AUTS2: variants seen among roughly 807,000 people sequenced by gnomAD.
The protein encoded by AUTS2 is activator of transcription and developmental regulator AUTS2.
A neutral mutation model predicts 112.4 loss-of-function variants in AUTS2; 17 were observed. The ratio of observed to expected loss-of-function variants is 0.15; its 90% CI spans 0.10 to 0.23. The LOEUF (loss-of-function observed/expected upper bound fraction) is 0.23, where lower values mean the gene tolerates loss of function less well. Ranked by LOEUF, AUTS2 falls within the 10% of genes least tolerant of loss-of-function variation. The pLI, the probability that AUTS2 is intolerant of heterozygous loss-of-function variation, is 1.00. For synonymous variants in AUTS2, 751 were observed against 702.7 expected, an observed-to-expected ratio of 1.07 and a Z score of -1.09; for missense variants, 1,510 against 1,701.6, an observed-to-expected ratio of 0.89 and a Z score of 1.98.
chr7:70,652,437 T>C (rs770465552), intron 5 of AUTS2, among the ~76,000 whole-genome samples: 1 of 152,178 alleles, frequency 6.6e-6, no homozygotes, highest in Non-Finnish European at 1.5e-5. Context: ...ATTGACATTA[T>C]CTAGACACAA....
intron 1 of AUTS2, among the ~76,000 whole-genome samples, chr7:69,704,282 T>C (rs1050470406): frequency 7.0e-6 from 1 of 142,336 alleles, no homozygotes; most frequent in Admixed American, 7.0e-5. Context: ...TAAAATACAA[T>C]TTTTTTTTTT....
intron 4 of AUTS2, among the ~76,000 whole-genome samples, chr7:70,203,348 A>AG (rs1302865921): frequency 6.8e-6 from 1 of 146,520 alleles, no homozygotes; most frequent in Non-Finnish European, 1.5e-5. Flanking sequence ...GTATAATAAA[A>AG]AAAAAAAAAA....
intron 2 of AUTS2, among the ~76,000 whole-genome samples, chr7:70,055,803 G>A (rs1453553704): frequency 2.0e-5 from 3 of 152,088 alleles, no homozygotes; most frequent in Non-Finnish European, 1.5e-5. Context: ...GATTTATATG[G>A]TAACACAGTC....
At chr7:70,377,321 TATAA>T (rs1562922067) in intron 4 of AUTS2, among the ~76,000 whole-genome samples, 4 of 66,278 alleles carry the variant, frequency 6.0e-5, no homozygotes, top group South Asian at 5.7e-4. Flanking sequence ...AACAAACAAA[TATAA>T]ATATATATAT....
chr7:70,766,377 C>T lies in AUTS2; in HGVS notation c.1689+43C>T, dbSNP rs1420937096. 6.2e-7 allele frequency: 1 copy of T among 1,604,988 alleles called. No individual in the cohort carries two copies. The highest frequency in any genetic ancestry group is 1.3e-5 in the African/African-American group (1 of 74,928). ...AAATGTGAGGATAAGTAGAGCACGA[C>T]TCTTTTCTTTATGCAGCACGTGGGA... On this transcript the variant is annotated intron_variant, in intron 9 of 18. Coordinates refer to ENST00000342771, the MANE Select transcript of AUTS2 (RefSeq NM_015570.4). This position sits in a 1 kb window ranked among gnomAD's most constrained non-coding sequence, Gnocchi z 4.8.
At chr7:70,353,480 G>A (rs1791859429) in intron 4 of AUTS2, among the ~76,000 whole-genome samples, 1 of 152,038 alleles carries the variant, frequency 6.6e-6, no homozygotes, top group Non-Finnish European at 1.5e-5. Context: ...TCTCCTGCAG[G>A]AGGGTGGCTG....
In AUTS2 at chr7:69,931,112, T is replaced by TACACAC. The variant is rs58190258; in HGVS notation, c.522+31645_522+31650dup. On this transcript the variant is annotated intron_variant, in intron 2 of 18. Transcript: ENST00000342771. Reference sequence around the variant, plus strand: ...GAATGCTCGTACTGCATTTTGGATTTACACACACACACACACACACACACA... The same window carrying TACACAC: ...GAATGCTCGTACTGCATTTTGGATTTACACACACACACACACACACACACACACACA... 1.8e-3 allele frequency among the ~76,000 whole-genome samples: 274 copies of TACACAC among 148,990 alleles called. 2 individuals are homozygous for TACACAC. The highest frequency in any genetic ancestry group is 6.1e-3 in the African/African-American group (247 of 40,514).
intron 6 of AUTS2, among the ~76,000 whole-genome samples, chr7:70,760,688 G>T (rs1289029883): frequency 2.0e-5 from 3 of 152,226 alleles, no homozygotes; most frequent in African/African-American, 7.2e-5. Flanking sequence ...CTAGCTGGAT[G>T]GGGACCTATC....
At position 70,249,347 on chromosome 7, in the gene AUTS2, G is replaced by A. The variant is rs566129705; in HGVS notation, c.660+114776G>A. On this transcript the variant is annotated intron_variant, in intron 4 of 18. Coordinates refer to ENST00000342771, the MANE Select transcript of AUTS2 (RefSeq NM_015570.4). ...CATTTCAATATGTGTCATCAACCAC[G>A]CTGCAAGCCCTCAAAAGCCACATGT... is the stretch of plus-strand genomic sequence containing the variant. Among the ~76,000 whole-genome samples the A allele has an allele frequency of 5.9e-5, 9 of 152,090 alleles. No homozygotes were observed. The South Asian group carries it at 6.2e-4, about 11-fold the overall frequency.
At chr7:70,040,228 G>A (rs74711097) in intron 2 of AUTS2, among the ~76,000 whole-genome samples, 7,276 of 152,214 alleles carry the variant, frequency 0.048, 271 homozygotes, top group East Asian at 0.12. Context: ...TGATGTGTCA[G>A]TCTAGACTCA....
chr7:70,349,688 A>G (rs1247352686), intron 4 of AUTS2, among the ~76,000 whole-genome samples: 2 of 151,210 alleles, frequency 1.3e-5, no homozygotes, highest in Admixed American at 6.6e-5. Flanking sequence ...GGTGCCTGGT[A>G]TCTTCTCTTG....
At chr7:70,305,943 G>T (rs1789473609) in intron 4 of AUTS2, among the ~76,000 whole-genome samples, 2 of 151,596 alleles carry the variant, frequency 1.3e-5, no homozygotes, top group Admixed American at 1.3e-4. Context: ...AAGGATTCAG[G>T]AAAGAAAATA....
chr7:70,549,147 T>G (rs2129517891), intron 5 of AUTS2, among the ~76,000 whole-genome samples: 1 of 152,324 alleles, frequency 6.6e-6, no homozygotes, highest in East Asian at 1.9e-4. Context: ...TGAATAAAAT[T>G]TTTAAAATTT....
intron 6 of AUTS2, among the ~76,000 whole-genome samples, chr7:70,709,121 G>T (rs908583031): frequency 3.3e-5 from 5 of 151,748 alleles, no homozygotes; most frequent in African/African-American, 1.2e-4. Context: ...GTTTCACCAT[G>T]TTGGCCAGGC....
At chr7:69,802,195 G>T (rs923639974) in intron 1 of AUTS2, among the ~76,000 whole-genome samples, 9 of 152,198 alleles carry the variant, frequency 5.9e-5, no homozygotes, top group Non-Finnish European at 1.2e-4. Flanking sequence ...GAAGACGTAT[G>T]TTAAGGGGAG....
intron 1 of AUTS2, among the ~76,000 whole-genome samples, chr7:69,645,075 A>ATTTTT (rs34549998): frequency 7.2e-6 from 1 of 139,718 alleles, no homozygotes; most frequent in Non-Finnish European, 1.5e-5. Context: ...CACCCAGTTA[A>ATTTTT]TTTTTTTTTT....
intron 5 of AUTS2, among the ~76,000 whole-genome samples, chr7:70,660,657 G>A (rs964105142): frequency 5.9e-5 from 9 of 152,288 alleles, no homozygotes; most frequent in African/African-American, 1.9e-4. Context: ...GAGACAGGCC[G>A]CAGGCTACAT....
chr7:70,177,402 C>G (rs899587050), intron 4 of AUTS2, among the ~76,000 whole-genome samples: 1 of 152,200 alleles, frequency 6.6e-6, no homozygotes, highest in African/African-American at 2.4e-5. Context: ...AACCACCACA[C>G]CATGATACCT....
chr7:70,009,120 G>A (rs967775045), intron 2 of AUTS2, among the ~76,000 whole-genome samples: 1 of 151,946 alleles, frequency 6.6e-6, no homozygotes, highest in African/African-American at 2.4e-5. Flanking sequence ...ATCTGGTGGG[G>A]GCTTTTTTGC....
Sources: allele counts gnomAD v4.1 joint callset (sites outside exome capture counted in the v4.1 genomes callset), GRCh38; gene constraint gnomAD v4.1.1; non-coding constraint Gnocchi (gnomAD v3.1); transcripts MANE v1.5; gene names NCBI Gene and HGNC (gene_info 2026-07-23, HGNC 2026-07-21).